The following WDR55 variants were observed in gnomAD, a reference collection of about 807,000 sequenced individuals.
The protein encoded by WDR55 is WD repeat domain 55.
Under a neutral mutation model 34.0 loss-of-function variants are expected in WDR55, and 31 were observed. The observed-to-expected ratio is 0.91, with a 90% confidence interval of 0.69 to 1.23. The LOEUF (loss-of-function observed/expected upper bound fraction) is 1.23. Ranked by LOEUF, WDR55 falls within the 50% of genes most tolerant of loss-of-function variation. WDR55 has a pLI of 0.00. For synonymous variants in WDR55, 164 were observed against 185.9 expected, an observed-to-expected ratio of 0.88 and a Z score of 0.96; for missense variants, 440 against 494.6, an observed-to-expected ratio of 0.89 and a Z score of 1.05.
In WDR55 at chr5:140,668,780, G is replaced by A; in HGVS notation, c.549G>A (p.Leu183=). 2.5e-6 allele frequency: 4 copies of A among 1,613,886 alleles called. No homozygotes were observed. Among genetic ancestry groups the A allele is most frequent in the Non-Finnish European group, 3.4e-6 (4 of 1,179,812 alleles). ...CTCTGGATCCAGCCAAAAAGCTGCT[G>A]CTGACAGCCAGGTACAACTTCAAAG... ...DMALDPAKKL[L]LTASGDGCLG... The change falls in exon 4 of 7, where the codon CTG becomes CTA. Residue 183 remains leucine (L), a synonymous_variant. Transcript: ENST00000358337.
chr5:140,670,552 C>G lies in WDR55; in HGVS notation c.*898C>G, dbSNP rs1372560193. The G allele has an allele frequency of 6.6e-6, 1 of 150,958 alleles. No individual in the cohort carries two copies. The highest frequency in any genetic ancestry group is 6.6e-5 in the Admixed American group (1 of 15,152). The allele number at this position is 150,958 out of a possible 1,614,324, so 9.4% of individuals were successfully genotyped here. A position where few individuals can be genotyped will look rare whatever the true frequency, so the allele number is the denominator to read the frequency against. ...TCAGTAGAGACGGGGTTTCTCCATG[C>G]TGGCCAGGCTGGTCTCGAACTCCTG... On this transcript the variant is annotated 3_prime_UTR_variant, in exon 7 of 7. Transcript: ENST00000358337.
chr5:140,668,339 GT>G lies in WDR55; in HGVS notation c.292+6del, dbSNP rs1469649309. 3.1e-6 allele frequency: 5 copies of G among 1,614,240 alleles called. No homozygotes were observed. The highest frequency in any genetic ancestry group is 4.2e-6 in the Non-Finnish European group (5 of 1,180,048). On this transcript the variant is annotated splice_donor_region_variant and intron_variant, in intron 2 of 6. Coordinates refer to ENST00000358337, the MANE Select transcript of WDR55 (RefSeq NM_017706.5). ...CCTTCTCTGAAGATGGGCAGAGTGAGTACTGGGGAAGACAACCAGCAATGTG... is the reference window on the plus strand; with the variant it reads ...CCTTCTCTGAAGATGGGCAGAGTGAGACTGGGGAAGACAACCAGCAATGTG...
rs1333637855 is a variant in WDR55 at position 140,671,815 on chromosome 5, C to T, written c.*2161C>T. 1 of 1,504,810 alleles carries T rather than the reference C, an allele frequency of 6.6e-7. No individual in the cohort carries two copies. The highest frequency in any genetic ancestry group is 9.0e-7 in the Non-Finnish European group (1 of 1,105,244). The allele number at this position is 1,504,810 out of a possible 1,614,324, so 93.2% of individuals were successfully genotyped here. A position where few individuals can be genotyped will look rare whatever the true frequency, so the allele number is the denominator to read the frequency against. ...TGGGCCCAAGCCTCCAGGTGGTGAG[C>T]CCTTTGGAGCTACACAGTCCTGTTA... On this transcript the variant is annotated 3_prime_UTR_variant, in exon 7 of 7. Coordinates refer to ENST00000358337, the MANE Select transcript of WDR55 (RefSeq NM_017706.5).
At position 140,668,511 on chromosome 5, in the gene WDR55, A is replaced by T. The variant is rs780293557; in HGVS notation, c.380+9A>T. The T allele has an allele frequency of 6.2e-7, 1 of 1,613,616 alleles. No individual in the cohort carries two copies. Among genetic ancestry groups the T allele is most frequent in the Non-Finnish European group, 8.5e-7 (1 of 1,179,756 alleles). On this transcript the variant is annotated intron_variant, in intron 3 of 6. Coordinates refer to ENST00000358337, the MANE Select transcript of WDR55 (RefSeq NM_017706.5). ...GTTTCCAAGGCTCATGGGTAAGGAG[A>T]GCAGCCAATTCTGTGTATGTGCATG...
chr5:140,669,702 G>C lies in WDR55; in HGVS notation c.*48G>C. The C allele has an allele frequency of 6.6e-7, 1 of 1,525,866 alleles. No individual in the cohort carries two copies. The highest frequency in any genetic ancestry group is 1.2e-5 in the South Asian group (1 of 82,928). 94.5% of individuals were successfully genotyped at this position (1,525,866 alleles called of 1,614,324 possible). A position where few individuals can be genotyped will look rare whatever the true frequency, so the allele number is the denominator to read the frequency against. ...CGGGTCCTCACCAGGCAAGAGTCTT[G>C]CTTATTGGGCTGCATCCCCAGAGAG... On this transcript the variant is annotated 3_prime_UTR_variant, in exon 7 of 7. Coordinates refer to ENST00000358337, the MANE Select transcript of WDR55 (RefSeq NM_017706.5).
Position 140,671,968 on chromosome 5 carries a change from G to A in WDR55, c.*2314G>A. 2 of 618,250 alleles carry A rather than the reference G, an allele frequency of 3.2e-6. No homozygotes were observed. The highest frequency in any genetic ancestry group is 5.7e-6 in the Non-Finnish European group (2 of 352,432). The allele number at this position is 618,250 out of a possible 1,614,324, so 38.3% of individuals were successfully genotyped here. ...TTACAAGTTTCCTTGGAGAAGTACT[G>A]GTTAATTGCAGGCTTTGTCTGCCTC... On this transcript the variant is annotated 3_prime_UTR_variant, in exon 7 of 7. Transcript: ENST00000358337.
At chr5:140,668,174 T>C (rs1245668051) in intron 1 of WDR55, 60 bp from the exon 2 acceptor site, 1 of 1,520,866 alleles carries the variant, frequency 6.6e-7, no homozygotes, top group Non-Finnish European at 8.8e-7. Flanking sequence ...AGTTGGTCTC[T>C]GCACTCAATG....
intron 1 of WDR55, chr5:140,666,911 G>T (rs1757938346): frequency 1.0e-6 from 1 of 985,286 alleles, no homozygotes; most frequent in South Asian, 4.7e-5. Flanking sequence ...TTGAACAAAA[G>T]ATACAGGTTA....
chr5:140,668,472 A>G lies in WDR55; in HGVS notation c.350A>G (p.Gln117Arg). Reference sequence around the variant, plus strand: ...CATGTTCTAGATGTGGAGCAGGGCCAACTGGAAAGACGTGTTTCCAAGGCT... The same window carrying G: ...CATGTTCTAGATGTGGAGCAGGGCCGACTGGAAAGACGTGTTTCCAAGGCT... ...AIHVLDVEQG[Q>R]LERRVSKAHG... Residue 117 changes from glutamine (Q) to arginine (R), a missense_variant, in exon 3 of 7, where the codon CAA becomes CGA. Gln to Arg is a conservative substitution (Grantham distance 43, BLOSUM62 1). Transcript: ENST00000358337. The G allele has an allele frequency of 6.2e-7, 1 of 1,614,214 alleles. No individual in the cohort carries two copies. The highest frequency in any genetic ancestry group is 1.1e-5 in the South Asian group (1 of 91,084).
intron 1 of WDR55, chr5:140,667,102 T>C (rs1757943448): frequency 8.1e-6 from 8 of 985,300 alleles, no homozygotes; most frequent in Non-Finnish European, 9.6e-6. Context: ...CCTAAGCAGC[T>C]CTTCAACAAA....
At chr5:140,669,292 C>A (rs751349061) in intron 6 of WDR55, 41 bp from the exon 7 acceptor site, 1 of 1,612,726 alleles carries the variant, frequency 6.2e-7, no homozygotes, top group South Asian at 1.1e-5. Flanking sequence ...GAAGGGCAGA[C>A]CCAGCTAGCC....
At chr5:140,665,549 C>CG (rs1231054549) in intron 1 of WDR55, among the ~76,000 whole-genome samples, 1 of 151,904 alleles carries the variant, frequency 6.6e-6, no homozygotes. Flanking sequence ...GTAGTAGAGA[C>CG]GGGGTTTCAC....
Position 140,671,748 on chromosome 5 carries a change from G to T in WDR55, c.*2094G>T. The T allele has an allele frequency of 6.4e-7, 1 of 1,569,490 alleles. No homozygotes were observed. Among genetic ancestry groups the T allele is most frequent in the Non-Finnish European group, 8.6e-7 (1 of 1,156,350 alleles). ...ACCTGCTCTCCACAGAGGTGTGACT[G>T]CCCTGTAGGAAAAATGCAAAGACAA... On this transcript the variant is annotated 3_prime_UTR_variant, in exon 7 of 7. Transcript: ENST00000358337.
Position 140,668,257 on chromosome 5 carries a change from GA to G in WDR55, c.216del (p.Glu73LysfsTer39). ...VFVFSYSCQE[G>X]ETKELWSSGH... Reference sequence around the variant, plus strand: ...AGCTTTTCCTACTCTTGCCAAGAGGGAGAAACCAAGGAGCTCTGGTCATCAG... The same window carrying G: ...AGCTTTTCCTACTCTTGCCAAGAGGGGAAACCAAGGAGCTCTGGTCATCAG... On this transcript the variant is annotated frameshift_variant, in exon 2 of 7. Coordinates refer to ENST00000358337, the MANE Select transcript of WDR55 (RefSeq NM_017706.5). LOFTEE classifies it high-confidence loss of function. The G allele has an allele frequency of 1.2e-6, 2 of 1,611,398 alleles. No individual in the cohort carries two copies. Among genetic ancestry groups the G allele is most frequent in the Non-Finnish European group, 1.7e-6 (2 of 1,178,158 alleles).
Position 140,671,799 on chromosome 5 carries a change from G to C in WDR55, c.*2145G>C. The C allele has an allele frequency of 6.5e-7, 1 of 1,545,822 alleles. No homozygotes were observed. The highest frequency in any genetic ancestry group is 8.8e-7 in the Non-Finnish European group (1 of 1,141,854). Reference sequence around the variant, plus strand: ...GGGCAGGTCTAAACCCTGGGCCCAAGCCTCCAGGTGGTGAGCCCTTTGGAG... The same window carrying C: ...GGGCAGGTCTAAACCCTGGGCCCAACCCTCCAGGTGGTGAGCCCTTTGGAG... On this transcript the variant is annotated 3_prime_UTR_variant, in exon 7 of 7. Coordinates refer to ENST00000358337, the MANE Select transcript of WDR55 (RefSeq NM_017706.5).
Position 140,669,874 on chromosome 5 carries a change from G to A in WDR55, c.*220G>A. ...CTCTGGAGCAGCTGGGACTACAGGT[G>A]TGCACTACCACACCAGGCCAATTTT... On this transcript the variant is annotated 3_prime_UTR_variant, in exon 7 of 7. Transcript: ENST00000358337. 1 of 549,058 alleles carries A rather than the reference G, an allele frequency of 1.8e-6. No individual in the cohort carries two copies. The highest frequency in any genetic ancestry group is 2.4e-5 in the South Asian group (1 of 42,464). The allele number at this position is 549,058 out of a possible 1,614,324, so 34.0% of individuals were successfully genotyped here. A position where few individuals can be genotyped will look rare whatever the true frequency, so the allele number is the denominator to read the frequency against.
chr5:140,671,773 A>T lies in WDR55; in HGVS notation c.*2119A>T. ...GCCCTGTAGGAAAAATGCAAAGACAAGGGCAGGTCTAAACCCTGGGCCCAA... is the reference window on the plus strand; with the variant it reads ...GCCCTGTAGGAAAAATGCAAAGACATGGGCAGGTCTAAACCCTGGGCCCAA... On this transcript the variant is annotated 3_prime_UTR_variant, in exon 7 of 7. Coordinates refer to ENST00000358337, the MANE Select transcript of WDR55 (RefSeq NM_017706.5). The T allele has an allele frequency of 2.6e-6, 4 of 1,556,108 alleles. No homozygotes were observed. The highest frequency in any genetic ancestry group is 3.5e-6 in the Non-Finnish European group (4 of 1,149,156).
At chr5:140,665,201 T>C in intron 1 of WDR55, 98 bp downstream of exon 1, 1 of 1,190,798 alleles carries the variant, frequency 8.4e-7, no homozygotes, top group Non-Finnish European at 1.2e-6. Flanking sequence ...GAGACAAATT[T>C]TGCAAGATTC....
rs369455326 is a variant in WDR55, at chr5:140,672,052, C to G, written c.*2398C>G. The G allele has an allele frequency of 1.8e-6, 1 of 567,480 alleles. No homozygotes were observed. The allele number at this position is 567,480 out of a possible 1,614,324, so 35.2% of individuals were successfully genotyped here. On this transcript the variant is annotated 3_prime_UTR_variant, in exon 7 of 7. Coordinates refer to ENST00000358337, the MANE Select transcript of WDR55 (RefSeq NM_017706.5). ...AACTTGCTGTAAGTCAGTCAGTGTG[C>G]TAAGTACCGTACACCCATTATGTTA...
Sources: gnomAD v4.1 joint callset for allele counts (sites outside exome capture counted in the v4.1 genomes callset) on GRCh38, gnomAD v4.1.1 for gene constraint, MANE v1.5 for transcripts, NCBI Gene and HGNC (gene_info 2026-07-23, HGNC 2026-07-21) for gene names.